LRP2BP: variants seen among roughly 807,000 people sequenced by gnomAD.
LRP2BP encodes LRP2 binding protein.
A neutral mutation model predicts 45.2 loss-of-function variants in LRP2BP; 38 were observed. That is an observed-to-expected ratio of 0.84 (90% CI 0.65 to 1.10). The LOEUF (loss-of-function observed/expected upper bound fraction) is 1.10, where lower values mean the gene tolerates loss of function less well. Ranked by LOEUF, LRP2BP falls within the 50% of genes least tolerant of loss-of-function variation. The pLI is 0.00. For synonymous variants in LRP2BP, 153 were observed against 153.9 expected (o/e 0.99, Z 0.04); for missense variants, 385 against 418.9 (o/e 0.92, Z 0.71).
intron 1 of LRP2BP, among the ~76,000 whole-genome samples, chr4:185,384,121 G>C (rs1027452973): frequency 1.3e-5 from 2 of 152,148 alleles, no homozygotes; most frequent in Admixed American, 6.6e-5. Flanking sequence ...AAGAGGTGGA[G>C]CCCTGGGGAG....
intron 1 of LRP2BP, among the ~76,000 whole-genome samples, chr4:185,382,377 G>A (rs561314883): frequency 3.3e-5 from 5 of 152,268 alleles, no homozygotes; most frequent in Admixed American, 2.6e-4. Context: ...TCTTGGGTAT[G>A]TACCTAGGAG....
At chr4:185,395,968 C>CA, upstream of LRP2BP, 1 of 944,348 alleles carries the variant, frequency 1.1e-6, no homozygotes, top group Non-Finnish European at 1.3e-6. Flanking sequence ...GAAGTCAGGT[C>CA]ATGTTCTACA....
intron 1 of LRP2BP, among the ~76,000 whole-genome samples, chr4:185,379,560 G>T (rs528679400): frequency 1.5e-4 from 22 of 149,844 alleles, no homozygotes; most frequent in Admixed American, 1.3e-3. Context: ...TAGCTTAAAA[G>T]AAGTTTTGGA....
At position 185,395,445 on chromosome 4, in the gene LRP2BP, TG is replaced by T; in HGVS notation, c.-689del. 1.0e-6 allele frequency: 1 copy of T among 985,458 alleles called. No individual in the cohort carries two copies. Among genetic ancestry groups the T allele is most frequent in the Non-Finnish European group, 1.2e-6 (1 of 829,920 alleles). 61.0% of individuals were successfully genotyped at this position (985,458 alleles called of 1,614,324 possible). On this transcript the variant is annotated 5_prime_UTR_variant, in exon 1 of 9. Coordinates refer to ENST00000505916, the MANE Select transcript of LRP2BP (RefSeq NM_001377440.1). ...TTTTAAAAAGCAGTGCTTATTGAAT[TG>T]ATAAACAAAAGCGAAACTGGCAATA...
At position 185,376,901 on chromosome 4, in the gene LRP2BP, AATG is replaced by A; in HGVS notation, c.216+5_216+7del. 1 of 1,590,556 alleles carries A rather than the reference AATG, an allele frequency of 6.3e-7. No individual in the cohort carries two copies. Among genetic ancestry groups the A allele is most frequent in the Non-Finnish European group, 8.6e-7 (1 of 1,160,320 alleles). On this transcript the variant is annotated splice_donor_5th_base_variant and intron_variant, in intron 3 of 8. Coordinates refer to ENST00000505916, the MANE Select transcript of LRP2BP (RefSeq NM_001377440.1). ...AGGAAATGAAAACGAATAAACAAAA[AATG>A]ATACCTCTTCAAAATATAGTTGACC...
rs1554015803 is a variant in LRP2BP at position 185,365,690 on chromosome 4, A to AAAAAAT, written c.*1489_*1490insATTTTT. 3.5e-5 allele frequency: 5 copies of AAAAAAT among 144,270 alleles called. No individual in the cohort carries two copies. The highest frequency in any genetic ancestry group is 3.7e-3 in the Middle Eastern group (1 of 272). The allele number at this position is 144,270 out of a possible 1,614,324, so 8.9% of individuals were successfully genotyped here. On this transcript the variant is annotated 3_prime_UTR_variant, in exon 9 of 9. Transcript: ENST00000505916. ...AGGAGACTCCGTCTCAAAAAAAAAAAAATAATAATAATAATAATAATAATA... is the reference window on the plus strand; with the variant it reads ...AGGAGACTCCGTCTCAAAAAAAAAAAAAAAATAATAATAATAATAATAATAATAATA...
At position 185,374,163 on chromosome 4, in the gene LRP2BP, G is replaced by C. The variant is rs145603170; in HGVS notation, c.551C>G (p.Ser184Ter). ...TTCTAACTCCTTGGGCTCCTTGGTT[G>C]AGTAATACAGCCCGAGCATACTTTG... ...KAQSMLGLYY[S>*]TKEPKELEKA... Residue 184 changes from serine to a stop codon, truncating the protein, a stop_gained, in exon 6 of 9, where the codon TCA (serine) becomes TGA (stop). Coordinates refer to ENST00000505916, the MANE Select transcript of LRP2BP (RefSeq NM_001377440.1). LOFTEE classifies it high-confidence loss of function. 3 of 1,613,998 alleles carry C rather than the reference G, an allele frequency of 1.9e-6. No homozygotes were observed. The African/African-American group carries it at 4.0e-5, about 22-fold the overall frequency.
intron 8 of LRP2BP, 141 bp from the exon 9 acceptor site, chr4:185,367,386 A>T: frequency 1.5e-6 from 1 of 656,702 alleles, no homozygotes; most frequent in Non-Finnish European, 2.6e-6. Context: ...GATACTTTCT[A>T]TTCTGATGTC....
chr4:185,368,039 G>A (rs1179722508), intron 8 of LRP2BP, among the ~76,000 whole-genome samples: 3 of 152,060 alleles, frequency 2.0e-5, no homozygotes, highest in East Asian at 3.9e-4. Context: ...TTAGCCAGGC[G>A]TGGTGGTGGG....
intron 1 of LRP2BP, among the ~76,000 whole-genome samples, chr4:185,382,887 C>T (rs898675601): frequency 2.6e-5 from 4 of 152,100 alleles, no homozygotes; most frequent in African/African-American, 9.7e-5. Flanking sequence ...CTAAAAGAAA[C>T]CATTGCCTAA....
chr4:185,376,094 A>G (rs1231174917), intron 3 of LRP2BP, among the ~76,000 whole-genome samples: 1 of 152,156 alleles, frequency 6.6e-6, no homozygotes, highest in Non-Finnish European at 1.5e-5. Context: ...CCGAAACTAC[A>G]TTACTGAAGT....
upstream of LRP2BP, chr4:185,396,661 GC>G (rs2095504060): frequency 7.9e-6 from 4 of 506,264 alleles, no homozygotes; most frequent in South Asian, 2.6e-5. Flanking sequence ...CCCTCCCCCT[GC>G]CCCCGGCGCC....
At chr4:185,367,976 G>A (rs1579961849) in intron 8 of LRP2BP, among the ~76,000 whole-genome samples, 1 of 152,094 alleles carries the variant, frequency 6.6e-6, no homozygotes, top group African/African-American at 2.4e-5. Flanking sequence ...TCAGGAGATC[G>A]AGACCATCCC....
intron 7 of LRP2BP, among the ~76,000 whole-genome samples, chr4:185,372,491 G>A (rs2095419281): frequency 6.6e-6 from 1 of 152,222 alleles, no homozygotes; most frequent in Non-Finnish European, 1.5e-5. Flanking sequence ...ATTTGGCATA[G>A]AACATGTAGT....
At chr4:185,389,937 G>A (rs546635851) in intron 1 of LRP2BP, among the ~76,000 whole-genome samples, 1 of 152,128 alleles carries the variant, frequency 6.6e-6, no homozygotes, top group Non-Finnish European at 1.5e-5. Context: ...TTCTCATTTA[G>A]GGCCAGAAGT....
At chr4:185,389,033 C>G (rs2095480493) in intron 1 of LRP2BP, among the ~76,000 whole-genome samples, 1 of 151,702 alleles carries the variant, frequency 6.6e-6, no homozygotes, top group Admixed American at 6.6e-5. Flanking sequence ...GTGCCTGCCA[C>G]CACACCCAGC....
chr4:185,370,460 A>C (rs1214385624), intron 8 of LRP2BP, among the ~76,000 whole-genome samples, 180 bp downstream of exon 8: 2 of 152,190 alleles, frequency 1.3e-5, no homozygotes, highest in East Asian at 3.8e-4. Context: ...AAATTATGCT[A>C]ATAAGATTCT....
upstream of LRP2BP, chr4:185,396,217 C>T (rs1353210962): frequency 6.6e-6 from 1 of 152,298 alleles, no homozygotes; most frequent in East Asian, 1.9e-4. Flanking sequence ...TTCGCGCTCG[C>T]CGTCCCCGCC....
intron 1 of LRP2BP, among the ~76,000 whole-genome samples, chr4:185,382,729 A>G (rs1256401552): frequency 6.6e-6 from 1 of 152,238 alleles, no homozygotes; most frequent in Non-Finnish European, 1.5e-5. Context: ...CCTACATACT[A>G]GTCTCATACC....
Sources: allele counts gnomAD v4.1 joint callset (sites outside exome capture counted in the v4.1 genomes callset), GRCh38; gene constraint gnomAD v4.1.1; transcripts MANE v1.5; gene names NCBI Gene and HGNC (gene_info 2026-07-23, HGNC 2026-07-21).